DHRS4L2: variants seen among roughly 807,000 people sequenced by gnomAD.
DHRS4L2 encodes the protein dehydrogenase/reductase 4 like 2, also known as dehydrogenase/reductase SDR family member 4-like 2.
A neutral mutation model predicts 23.9 loss-of-function variants in DHRS4L2; 22 were observed. That is an observed-to-expected ratio of 0.92 (90% CI 0.66 to 1.31). The LOEUF is 1.31. Among genes scored for constraint, DHRS4L2 ranks in the 40% most tolerant of loss-of-function variants. DHRS4L2 has a pLI of 0.00. For synonymous variants in DHRS4L2, 141 were observed against 123.7 expected (o/e 1.14, Z -0.93); for missense variants, 385 against 303.3 (o/e 1.27, Z -2.00).
chr14:23,988,833 G>A (rs2034201711), upstream of DHRS4L2: 4 of 1,439,672 alleles, frequency 2.8e-6, no homozygotes, highest in Non-Finnish European at 3.7e-6. Context: ...ACTCCCAGCT[G>A]GCCGAGGGCG....
chr14:23,992,881 G>A (rs1159235936), intron 2 of DHRS4L2, among the ~76,000 whole-genome samples: 3 of 146,226 alleles, frequency 2.1e-5, no homozygotes, highest in South Asian at 2.3e-4. Flanking sequence ...AGTTGGGGCT[G>A]TATTTCCCAG....
intron 1 of DHRS4L2, among the ~76,000 whole-genome samples, chr14:23,989,980 A>G (rs901334834): frequency 2.6e-5 from 4 of 151,834 alleles, no homozygotes; most frequent in African/African-American, 4.8e-5. Flanking sequence ...TAAGGCTGTG[A>G]TCCAGGTCAT....
chr14:23,973,445 C>T (rs528632426), intron 1 of DHRS4L2, among the ~76,000 whole-genome samples: 66 of 151,924 alleles, frequency 4.3e-4, no homozygotes, highest in Non-Finnish European at 8.2e-4. Flanking sequence ...AGTGCAGCGG[C>T]GGGCTGAAGG....
At chr14:23,985,640 C>T (rs1376011926), upstream of DHRS4L2, among the ~76,000 whole-genome samples, 1 of 151,638 alleles carries the variant, frequency 6.6e-6, no homozygotes, top group Non-Finnish European at 1.5e-5. Flanking sequence ...AATCCCATTG[C>T]CTATTACAGT....
chr14:23,972,804 G>A (rs1327711818), intron 1 of DHRS4L2, among the ~76,000 whole-genome samples: 1 of 151,950 alleles, frequency 6.6e-6, no homozygotes, highest in Admixed American at 6.5e-5. Context: ...GGAGGGCAGG[G>A]TGATAATAAG....
At chr14:23,988,667 G>A (rs1321551442), upstream of DHRS4L2, 16 of 672,980 alleles carry the variant, frequency 2.4e-5, no homozygotes, top group African/African-American at 3.7e-5. Context: ...GGGTTCCTGC[G>A]GGGGCCAGGG....
Position 24,001,344 on chromosome 14 carries a change from C to G in DHRS4L2, c.532-40C>G, listed in dbSNP as rs202147770. 3,431 of 1,591,382 alleles carry G rather than the reference C, an allele frequency of 2.2e-3. 74 individuals carry two copies. Among genetic ancestry groups the G allele is most frequent in the Non-Finnish European group, 2.6e-3 (3,034 of 1,172,778 alleles). Reference sequence around the variant, plus strand: ...TCTAGTTATTAGAACCAAGAATGACCTGGAAACTATGAGTCTAACACATTC... The same window carrying G: ...TCTAGTTATTAGAACCAAGAATGACGTGGAAACTATGAGTCTAACACATTC... On this transcript the variant is annotated intron_variant, in intron 5 of 7. Coordinates refer to ENST00000335125, the MANE Select transcript of DHRS4L2 (RefSeq NM_198083.4).
At chr14:23,977,023 C>T (rs138002405) in intron 1 of DHRS4L2, among the ~76,000 whole-genome samples, 2,683 of 151,748 alleles carry the variant, frequency 0.018, 102 homozygotes, top group African/African-American at 0.061. Flanking sequence ...TTGATGGATC[C>T]AGCAAACCAA....
At chr14:23,986,206 G>A (rs189962995), upstream of DHRS4L2, among the ~76,000 whole-genome samples, 11 of 151,400 alleles carry the variant, frequency 7.3e-5, no homozygotes, top group South Asian at 4.2e-4. Context: ...GAGGAGTAGC[G>A]CTAGAGATTC....
At chr14:23,972,787 T>G (rs1403369802) in intron 1 of DHRS4L2, among the ~76,000 whole-genome samples, 5 of 151,906 alleles carry the variant, frequency 3.3e-5, no homozygotes, top group Non-Finnish European at 5.9e-5. Flanking sequence ...TAAAAAGGAA[T>G]GTAGTAGGAG....
intron 2 of DHRS4L2, among the ~76,000 whole-genome samples, chr14:23,992,969 C>G (rs1454884194): frequency 6.8e-6 from 1 of 147,618 alleles, no homozygotes; most frequent in Non-Finnish European, 1.5e-5. Context: ...TGTGAGCCAC[C>G]ACACCCAGCC....
Position 23,981,988 on chromosome 14 carries a change from G to A in DHRS4L2, c.-175-8194G>A, listed in dbSNP as rs185003368. Among the ~76,000 whole-genome samples, 39 of 151,786 alleles carry A rather than the reference G, an allele frequency of 2.6e-4. 1 individual carries two copies. In the Middle Eastern group the frequency reaches 0.014, roughly 53 times the overall value. On this transcript the variant is annotated intron_variant, in intron 1 of 5. Coordinates refer to the DHRS4L2 transcript ENST00000534993. ...ATACCAAGACACTCAGTTCCCAGGG[G>A]CAGGCAGGAGACAGTGGCCTTCCTC...
chr14:23,991,879 G>T (rs181558770), intron 2 of DHRS4L2, among the ~76,000 whole-genome samples: 15 of 151,414 alleles, frequency 9.9e-5, no homozygotes, highest in Admixed American at 9.8e-4. Flanking sequence ...AGGATTACAG[G>T]CATCCACCAC....
intron 3 of DHRS4L2, 91 bp downstream of exon 3, chr14:23,995,224 G>A: frequency 1.4e-6 from 2 of 1,462,394 alleles, no homozygotes; most frequent in Admixed American, 1.7e-5. Flanking sequence ...CTCAAGGGCA[G>A]TGTAAATGTG....
chr14:23,996,284 A>G (rs1369040139), intron 3 of DHRS4L2, among the ~76,000 whole-genome samples: 1 of 151,412 alleles, frequency 6.6e-6, no homozygotes, highest in Non-Finnish European at 1.5e-5. Flanking sequence ...CTTACCAACT[A>G]TATCAGGTGT....
chr14:23,997,784 C>T (rs2034410290), intron 3 of DHRS4L2, among the ~76,000 whole-genome samples: 1 of 151,612 alleles, frequency 6.6e-6, no homozygotes, highest in Non-Finnish European at 1.5e-5. Context: ...TCCACGTCAT[C>T]CATGAGGGTT....
intron 1 of DHRS4L2, among the ~76,000 whole-genome samples, chr14:23,973,697 C>T (rs2033912396): frequency 1.3e-5 from 2 of 151,800 alleles, no homozygotes. Context: ...ACAAGAAGAG[C>T]TAACTATCCT....
chr14:23,976,396 C>A (rs1594452557), intron 1 of DHRS4L2, among the ~76,000 whole-genome samples: 1 of 151,782 alleles, frequency 6.6e-6, no homozygotes, highest in African/African-American at 2.4e-5. Context: ...AAAGCAAAAC[C>A]ACAATGAGAT....
upstream of DHRS4L2, chr14:23,987,272 A>G (rs1371703675): frequency 6.2e-6 from 2 of 323,404 alleles, no homozygotes; most frequent in South Asian, 4.4e-5. Flanking sequence ...CTGGGACTAC[A>G]GGCAAGTACC....
Sources: allele counts gnomAD v4.1 joint callset (sites outside exome capture counted in the v4.1 genomes callset), GRCh38; gene constraint gnomAD v4.1.1; transcripts MANE v1.5; gene names NCBI Gene and HGNC (gene_info 2026-07-23, HGNC 2026-07-21).